SPTB: variants seen among roughly 807,000 people sequenced by gnomAD.
SPTB encodes spectrin beta chain, erythrocytic.
SPTB carries 45 observed loss-of-function variants against 256.2 expected under a neutral mutation model. That is an observed-to-expected ratio of 0.18 (90% CI 0.14 to 0.23). The LOEUF is 0.23. Among genes scored for constraint, SPTB ranks in the 10% least tolerant of loss-of-function variants. The probability of loss-of-function intolerance (pLI) is 1.00; values close to 1 mark genes in which losing one functional copy is unlikely to be tolerated. For synonymous variants in SPTB, 1,231 were observed against 1,243.1 expected (o/e 0.99, Z 0.21); for missense variants, 2,715 against 3,040.4 (o/e 0.89, Z 2.52).
intron 32 of SPTB, chr14:64,755,064 C>T (rs559561650): frequency 5.8e-4 from 88 of 152,456 alleles, no homozygotes; most frequent in African/African-American, 2.0e-3. Flanking sequence ...CATCTTCAGC[C>T]AGGAGGTCAG....
chr14:64,811,295 T>TA (rs2139662906), intron 2 of SPTB, among the ~76,000 whole-genome samples: 1 of 152,330 alleles, frequency 6.6e-6, no homozygotes, highest in Admixed American at 6.5e-5. Context: ...AAGCATCTCT[T>TA]AAATGTATAA....
chr14:64,786,341 G>T lies in SPTB; in HGVS notation c.3561+63C>A. On this transcript the variant is annotated intron_variant, in intron 16 of 35. Coordinates refer to ENST00000644917, the MANE Select transcript of SPTB (RefSeq NM_001355436.2). The surrounding 1 kb of genome is among the most constrained non-coding windows in gnomAD (Gnocchi z 5.6). ...CCCTGAGTCTTACAGCACATTTGTGGACTCACCACAAGAGCTACTGCCCTG... is the reference window on the plus strand; with the variant it reads ...CCCTGAGTCTTACAGCACATTTGTGTACTCACCACAAGAGCTACTGCCCTG... 1.3e-6 allele frequency: 2 copies of T among 1,598,640 alleles called. No homozygotes were observed. Among genetic ancestry groups the T allele is most frequent in the Non-Finnish European group, 1.7e-6 (2 of 1,169,396 alleles).
chr14:64,872,481 A>C (rs1048055210), intron 1 of SPTB, among the ~76,000 whole-genome samples: 4 of 152,176 alleles, frequency 2.6e-5, no homozygotes, highest in Non-Finnish European at 5.9e-5. Context: ...CCCTGCCCAC[A>C]ACTTCCAGTG....
At position 64,772,451 on chromosome 14, in the gene SPTB, C is replaced by T; in HGVS notation, c.5553+129G>A. On this transcript the variant is annotated intron_variant, in intron 26 of 35. Coordinates refer to ENST00000644917, the MANE Select transcript of SPTB (RefSeq NM_001355436.2). This position sits in a 1 kb window ranked among gnomAD's most constrained non-coding sequence, Gnocchi z 5.4. ...AGCCACTGCTCCCAGCCCTGAGCTC[C>T]TGGCTGTCTAAGGAGGCAAAACCTC... 1.6e-6 allele frequency: 2 copies of T among 1,285,730 alleles called. No homozygotes were observed. The highest frequency in any genetic ancestry group is 1.4e-5 in the South Asian group (1 of 70,238). The allele number at this position is 1,285,730 out of a possible 1,614,324, so 79.6% of individuals were successfully genotyped here.
In SPTB at chr14:64,749,340, T is replaced by A. The variant is rs1425392012; in HGVS notation, c.6953A>T (p.Glu2318Val). 5 of 1,609,796 alleles carry A rather than the reference T, an allele frequency of 3.1e-6. No homozygotes were observed. In the South Asian group the frequency reaches 5.5e-5, roughly 18 times the overall value. Residue 2318 changes from glutamate to valine, a missense_variant, in exon 36 of 36, where the codon GAG (glutamate) becomes GTG (valine). By Grantham distance (121) the Glu-to-Val change is moderately radical. Transcript: ENST00000644917. This position sits in a 1 kb window ranked among gnomAD's most constrained non-coding sequence, Gnocchi z 4.7. Reference protein sequence around the residue: ...PDASLGKKDKEKRFSFFPKKK With the variant: ...PDASLGKKDKVKRFSFFPKKK ...TTTGGGGAAGAAGCTGAATCTCTTC[T>A]CCTTGTCTTTCTTGCCGAGGCTGGC...
At chr14:64,751,927 C>CAAAAAAAGAAAAAAA (rs2081955838) in intron 33 of SPTB, among the ~76,000 whole-genome samples, 1 of 71,940 alleles carries the variant, frequency 1.4e-5, no homozygotes, top group Non-Finnish European at 2.9e-5. Flanking sequence ...ACTAAAAATG[C>CAAAAAAAGAAAAAAA]AAAAAAAAAA....
In SPTB at chr14:64,750,352, AGTCTT is replaced by A. The variant is rs199595407; in HGVS notation, c.6603-203_6603-199del. 1,738 of 618,194 alleles carry A rather than the reference AGTCTT, an allele frequency of 2.8e-3. 23 individuals carry two copies. In the African/African-American group the frequency reaches 0.03, roughly 11 times the overall value. The allele number at this position is 618,194 out of a possible 1,614,324, so 38.3% of individuals were successfully genotyped here. Reference sequence around the variant, plus strand: ...TATTAACATTTTATGTATTCCTTCTAGTCTTCACATTTTCGCATTTTTTTTTTTAC... The same window carrying A: ...TATTAACATTTTATGTATTCCTTCTACACATTTTCGCATTTTTTTTTTTAC... On this transcript the variant is annotated intron_variant, in intron 33 of 35. Transcript: ENST00000644917.
At position 64,792,863 on chromosome 14, in the gene SPTB, G is replaced by T. The variant is rs118108317; in HGVS notation, c.2666+134C>A. 0.018 allele frequency: 22,191 copies of T among 1,254,692 alleles called. 283 individuals carry two copies. Among genetic ancestry groups the T allele is most frequent in the Middle Eastern group, 0.043 (223 of 5,232 alleles). The allele number at this position is 1,254,692 out of a possible 1,614,324, so 77.7% of individuals were successfully genotyped here. A position where few individuals can be genotyped will look rare whatever the true frequency, so the allele number is the denominator to read the frequency against. On this transcript the variant is annotated intron_variant, in intron 14 of 35. Coordinates refer to ENST00000644917, the MANE Select transcript of SPTB (RefSeq NM_001355436.2). This position sits in a 1 kb window ranked among gnomAD's most constrained non-coding sequence, Gnocchi z 4.2. ...TAGAACTTATGACTCCTAATGCCAG[G>T]ACTTTGCAACAAAGGACATCCCAGG...
rs899068992 is a variant in SPTB at position 64,853,890 on chromosome 14, T to A, written c.-52+25902A>T. ...GACTCAAGAGACATTTATTAAAAATTTTTTTAGATACTTATCACTGGCCAG... is the reference window on the plus strand; with the variant it reads ...GACTCAAGAGACATTTATTAAAAATATTTTTAGATACTTATCACTGGCCAG... On this transcript the variant is annotated intron_variant, in intron 1 of 35. Transcript: ENST00000644917. This position sits in a 1 kb window ranked among gnomAD's most constrained non-coding sequence, Gnocchi z 4.3. Among the ~76,000 whole-genome samples, 9 of 152,100 alleles carry A rather than the reference T, an allele frequency of 5.9e-5. No homozygotes were observed. The highest frequency in any genetic ancestry group is 2.2e-4 in the African/African-American group (9 of 41,410).
intron 1 of SPTB, among the ~76,000 whole-genome samples, chr14:64,829,862 C>T (rs1255105827): frequency 6.6e-6 from 1 of 152,236 alleles, no homozygotes; most frequent in Non-Finnish European, 1.5e-5. Context: ...CATCTCCCCA[C>T]ACCCCCTATA....
chr14:64,749,242 G>T lies in SPTB; in HGVS notation c.*64C>A. On this transcript the variant is annotated 3_prime_UTR_variant, in exon 36 of 36. Transcript: ENST00000644917. This position sits in a 1 kb window ranked among gnomAD's most constrained non-coding sequence, Gnocchi z 4.7. ...GACCGGCGGGCGGCGGCGAGAGGAGGCCAAGGCCTGGGCTGCCCGGTCTCT... is the reference window on the plus strand; with the variant it reads ...GACCGGCGGGCGGCGGCGAGAGGAGTCCAAGGCCTGGGCTGCCCGGTCTCT... The T allele has an allele frequency of 6.5e-7, 1 of 1,526,842 alleles. No homozygotes were observed. Among genetic ancestry groups the T allele is most frequent in the Non-Finnish European group, 8.8e-7 (1 of 1,139,114 alleles). The allele number at this position is 1,526,842 out of a possible 1,614,324, so 94.6% of individuals were successfully genotyped here.
At position 64,767,290 on chromosome 14, in the gene SPTB, G is replaced by A. The variant is rs11622977; in HGVS notation, c.6269+13C>T. 182,994 of 1,613,462 alleles carry A rather than the reference G, an allele frequency of 0.11. 12,992 individuals are homozygous for A. The highest frequency in any genetic ancestry group is 0.34 in the African/African-American group (25,354 of 74,962). On this transcript the variant is annotated intron_variant, in intron 31 of 35. Transcript: ENST00000644917. ...AGAGCATTCAGCTCCCTGGACACACGGCCACCACTCACCCAGTCTCCTCTG... is the reference window on the plus strand; with the variant it reads ...AGAGCATTCAGCTCCCTGGACACACAGCCACCACTCACCCAGTCTCCTCTG...
Position 64,749,617 on chromosome 14 carries a change from T to A in SPTB, c.6819+37A>T. 1 of 1,612,794 alleles carries A rather than the reference T, an allele frequency of 6.2e-7. No homozygotes were observed. Among genetic ancestry groups the A allele is most frequent in the Non-Finnish European group, 8.5e-7 (1 of 1,179,866 alleles). Reference sequence around the variant, plus strand: ...GGCCTGGGGTCCTCCACCTACCCCCTTCTTAGCCAGGTCTGGGCTAGGCTG... The same window carrying A: ...GGCCTGGGGTCCTCCACCTACCCCCATCTTAGCCAGGTCTGGGCTAGGCTG... On this transcript the variant is annotated intron_variant, in intron 35 of 35. Coordinates refer to ENST00000644917, the MANE Select transcript of SPTB (RefSeq NM_001355436.2). The surrounding 1 kb of genome is among the most constrained non-coding windows in gnomAD (Gnocchi z 4.7).
Position 64,807,711 on chromosome 14 carries a change from A to C in SPTB, c.149-2621T>G, listed in dbSNP as rs117996684. Reference sequence around the variant, plus strand: ...ATGCTCAGCACATTCACTCCCGCACAGCCCAGATGCTCATCCCAAGCCTTC... The same window carrying C: ...ATGCTCAGCACATTCACTCCCGCACCGCCCAGATGCTCATCCCAAGCCTTC... On this transcript the variant is annotated intron_variant, in intron 2 of 35. Transcript: ENST00000644917. This position sits in a 1 kb window ranked among gnomAD's most constrained non-coding sequence, Gnocchi z 4.7. Among the ~76,000 whole-genome samples, 1,920 of 152,384 alleles carry C rather than the reference A, an allele frequency of 0.013. 24 individuals carry two copies. Among genetic ancestry groups the C allele is most frequent in the Middle Eastern group, 0.024 (7 of 294 alleles).
intron 24 of SPTB, 23 bp from the exon 25 acceptor site, chr14:64,773,447 C>T (rs1402262380): frequency 6.2e-7 from 1 of 1,611,704 alleles, no homozygotes. Context: ...ACCAAAAAGG[C>T]CCTCAGAGAC....
chr14:64,795,644 C>G lies in SPTB; in HGVS notation c.1342-5G>C. On this transcript the variant is annotated splice_region_variant and splice_polypyrimidine_tract_variant and intron_variant, in intron 11 of 35. Transcript: ENST00000644917. The surrounding 1 kb of genome is among the most constrained non-coding windows in gnomAD (Gnocchi z 6.5). Reference sequence around the variant, plus strand: ...CAGGTCATACCCAAAGTTATCCTGCCCCACCGGGAGAAAAACAGGCAGCTC... The same window carrying G: ...CAGGTCATACCCAAAGTTATCCTGCGCCACCGGGAGAAAAACAGGCAGCTC... 6.2e-7 allele frequency: 1 copy of G among 1,613,852 alleles called. No individual in the cohort carries two copies. Among genetic ancestry groups the G allele is most frequent in the South Asian group, 1.1e-5 (1 of 91,048 alleles).
Position 64,785,624 on chromosome 14 carries a change from G to C in SPTB, c.3768C>G (p.His1256Gln). The change falls in exon 18 of 36, where the codon CAC (histidine) becomes CAG (glutamine). Residue 1256 changes from histidine (H) to glutamine (Q), a missense_variant. Coordinates refer to ENST00000644917, the MANE Select transcript of SPTB (RefSeq NM_001355436.2). The surrounding 1 kb of genome is among the most constrained non-coding windows in gnomAD (Gnocchi z 4.4). Reference protein sequence around the residue: ...KEKVQLIEDRHRKNNEKAQEA... With the variant: ...KEKVQLIEDRQRKNNEKAQEA... The stretch of plus-strand genomic sequence containing the variant: ...CCTGGGCCTTCTCGTTGTTCTTCCT[G>C]TGCCTGGAAAGGAAGCCAAAAGCAC... The C allele has an allele frequency of 6.2e-7, 1 of 1,614,080 alleles. No individual in the cohort carries two copies. The highest frequency in any genetic ancestry group is 8.5e-7 in the Non-Finnish European group (1 of 1,179,998).
chr14:64,866,050 A>G lies in SPTB; in HGVS notation c.-52+13742T>C, dbSNP rs1422186644. 6.6e-6 allele frequency among the ~76,000 whole-genome samples: 1 copy of G among 152,202 alleles called. No individual in the cohort carries two copies. The highest frequency in any genetic ancestry group is 2.4e-5 in the African/African-American group (1 of 41,444). On this transcript the variant is annotated intron_variant, in intron 1 of 35. Coordinates refer to ENST00000644917, the MANE Select transcript of SPTB (RefSeq NM_001355436.2). The surrounding 1 kb of genome is among the most constrained non-coding windows in gnomAD (Gnocchi z 4.6). ...TGGATTTTAAATGAGAAAAACAGAG[A>G]CCATGGTGTGGCTAAAATACCACAA...
rs563948304 is a variant in SPTB at position 64,796,058 on chromosome 14, T to C, written c.1342-419A>G. ...TCTGGGGTGCGCATACACTCTCCAG[T>C]GCTCTCAGAATACTTGTTGCCCCCT... is the stretch of plus-strand genomic sequence containing the variant. On this transcript the variant is annotated intron_variant, in intron 11 of 35. Transcript: ENST00000644917. This position sits in a 1 kb window ranked among gnomAD's most constrained non-coding sequence, Gnocchi z 4.1. Among the ~76,000 whole-genome samples, 1 of 152,210 alleles carries C rather than the reference T, an allele frequency of 6.6e-6. No homozygotes were observed. The highest frequency in any genetic ancestry group is 2.4e-5 in the African/African-American group (1 of 41,466).
Sources: gnomAD v4.1 joint callset for allele counts (sites outside exome capture counted in the v4.1 genomes callset) on GRCh38, gnomAD v4.1.1 for gene constraint, Gnocchi (gnomAD v3.1) non-coding constraint, MANE v1.5 for transcripts, NCBI Gene and HGNC (gene_info 2026-07-23, HGNC 2026-07-21) for gene names.